CALN1: variants seen among roughly 807,000 people sequenced by gnomAD.
CALN1 encodes the protein calneuron 1, also known as calcium-binding protein 8.
In CALN1, 17 loss-of-function variants were observed where a neutral mutation model predicts 30.6. That is an observed-to-expected ratio of 0.56 (90% CI 0.38 to 0.83). The LOEUF (loss-of-function observed/expected upper bound fraction) is 0.83. Ranked by LOEUF, CALN1 falls within the 40% of genes least tolerant of loss-of-function variation. The pLI is 0.00. For synonymous variants in CALN1, 156 were observed against 131.4 expected (o/e 1.19, Z -1.28); for missense variants, 291 against 354.9 (o/e 0.82, Z 1.45).
chr7:72,075,765 T>A (rs1218300254), intron 4 of CALN1, among the ~76,000 whole-genome samples: 1 of 152,176 alleles, frequency 6.6e-6, no homozygotes, highest in East Asian at 1.9e-4. Context: ...GATAGCTGCA[T>A]CTGGCCCCCT....
intron 5 of CALN1, among the ~76,000 whole-genome samples, chr7:71,963,536 C>T (rs1268943018): frequency 3.9e-5 from 6 of 151,912 alleles, no homozygotes; most frequent in Admixed American, 1.3e-4. Context: ...AACTCCTGAC[C>T]TCAAATGATC....
At chr7:72,085,349 A>G (rs1261692410) in intron 4 of CALN1, among the ~76,000 whole-genome samples, 2 of 152,220 alleles carry the variant, frequency 1.3e-5, no homozygotes, top group Admixed American at 6.5e-5. Context: ...GGAGTACAGT[A>G]TAATAAGATA....
chr7:71,994,515 A>C (rs1196475003), intron 5 of CALN1, among the ~76,000 whole-genome samples: 1 of 150,348 alleles, frequency 6.7e-6, no homozygotes, highest in Admixed American at 6.6e-5. Context: ...TCATCTCAAA[A>C]AAAAAAAAAA....
intron 5 of CALN1, among the ~76,000 whole-genome samples, chr7:71,849,098 T>A (rs1308005509): frequency 6.6e-6 from 1 of 152,214 alleles, no homozygotes; most frequent in Non-Finnish European, 1.5e-5. Flanking sequence ...ATGGGATAAA[T>A]ATAATCCACT....
intron 5 of CALN1, among the ~76,000 whole-genome samples, chr7:71,869,758 C>T (rs1453407259): frequency 6.6e-6 from 1 of 152,266 alleles, no homozygotes; most frequent in Admixed American, 6.5e-5. Context: ...ACACTCTACT[C>T]TCTGGGGTGA....
At chr7:72,371,047 CAAA>C (rs35918896) in intron 2 of CALN1, among the ~76,000 whole-genome samples, 8 of 91,538 alleles carry the variant, frequency 8.7e-5, no homozygotes, top group South Asian at 4.1e-4. Flanking sequence ...AATTAAGTCT[CAAA>C]AAAAAAAAAA....
At chr7:72,156,966 C>T (rs763670289) in intron 3 of CALN1, among the ~76,000 whole-genome samples, 7 of 152,206 alleles carry the variant, frequency 4.6e-5, no homozygotes, top group Non-Finnish European at 1.0e-4. Flanking sequence ...CAAGACATAA[C>T]CTCTGCCTAC....
At position 72,049,668 on chromosome 7, in the gene CALN1, C is replaced by T. The variant is rs768280157; in HGVS notation, c.389-25899G>A. Reference sequence around the variant, plus strand: ...GATTACAGGCATGCGCCACCACGCCCGGCTATTTTTTGTGTTTTTAGTAGG... The same window carrying T: ...GATTACAGGCATGCGCCACCACGCCTGGCTATTTTTTGTGTTTTTAGTAGG... On this transcript the variant is annotated intron_variant, in intron 4 of 6. Transcript: ENST00000395275. Among the ~76,000 whole-genome samples the T allele has an allele frequency of 2.6e-4, 39 of 151,230 alleles. 1 individual carries two copies. The highest frequency in any genetic ancestry group is 6.6e-4 in the Admixed American group (10 of 15,180).
At position 72,061,144 on chromosome 7, in the gene CALN1, T is replaced by C. The variant is rs1009924826; in HGVS notation, c.389-37375A>G. 3.3e-5 allele frequency among the ~76,000 whole-genome samples: 5 copies of C among 152,146 alleles called. No homozygotes were observed. The East Asian group carries it at 9.6e-4, about 29-fold the overall frequency. ...CTACACCCAACCAACTCAATCTGCCTGCTCAAACAAAAATATCAACATTCT... is the reference window on the plus strand; with the variant it reads ...CTACACCCAACCAACTCAATCTGCCCGCTCAAACAAAAATATCAACATTCT... On this transcript the variant is annotated intron_variant, in intron 4 of 6. Transcript: ENST00000395275.
intron 3 of CALN1, among the ~76,000 whole-genome samples, chr7:72,168,350 C>A (rs1197010989): frequency 6.6e-6 from 1 of 151,936 alleles, no homozygotes; most frequent in Admixed American, 6.6e-5. Context: ...TATTTGTGAA[C>A]TAGACTGTGA....
chr7:72,223,933 A>G (rs1192114022), intron 3 of CALN1, among the ~76,000 whole-genome samples: 1 of 152,172 alleles, frequency 6.6e-6, no homozygotes, highest in Non-Finnish European at 1.5e-5. Context: ...TGATGTATAC[A>G]TGGAGCTCAA....
Position 71,822,528 on chromosome 7 carries a change from G to A in CALN1, c.502-12036C>T, listed in dbSNP as rs952054690. 4.6e-5 allele frequency among the ~76,000 whole-genome samples: 7 copies of A among 152,220 alleles called. No individual in the cohort carries two copies. In the East Asian group the frequency reaches 5.8e-4, roughly 13 times the overall value. On this transcript the variant is annotated intron_variant, in intron 5 of 6. Transcript: ENST00000395275. ...CTCCCAAAGTGCTGGGATTGCAGGC[G>A]TGAGTCACCGTGCCTGGCCCGCTTC...
At position 71,881,760 on chromosome 7, in the gene CALN1, A is replaced by G. The variant is rs368846584; in HGVS notation, c.502-71268T>C. On this transcript the variant is annotated intron_variant, in intron 5 of 6. Transcript: ENST00000395275. ...CCATACACTTAGTGGCTTACAACAC[A>G]AATTTATTCTTTTATAGCTTTGGAG... 5.9e-5 allele frequency among the ~76,000 whole-genome samples: 9 copies of G among 152,084 alleles called. No homozygotes were observed. In the East Asian group the frequency reaches 9.6e-4, roughly 16 times the overall value.
intron 6 of CALN1, among the ~76,000 whole-genome samples, chr7:71,789,918 A>G (rs916935311): frequency 2.6e-5 from 4 of 151,806 alleles, no homozygotes; most frequent in African/African-American, 9.7e-5. Context: ...TAACATAGAA[A>G]GACCCTGTCC....
intron 5 of CALN1, among the ~76,000 whole-genome samples, chr7:71,918,737 G>T (rs1312975282): frequency 6.6e-6 from 1 of 152,130 alleles, no homozygotes; most frequent in East Asian, 1.9e-4. Flanking sequence ...AGAGTCACTA[G>T]GGAAAGGTCA....
At chr7:72,433,013 C>T (rs1808024564) in intron 1 of CALN1, among the ~76,000 whole-genome samples, 1 of 152,184 alleles carries the variant, frequency 6.6e-6, no homozygotes, top group Admixed American at 6.5e-5. Flanking sequence ...GTTACTCTTT[C>T]TACACACCCT....
At chr7:72,063,100 T>C (rs1803777254) in intron 4 of CALN1, among the ~76,000 whole-genome samples, 1 of 152,162 alleles carries the variant, frequency 6.6e-6, no homozygotes, top group Non-Finnish European at 1.5e-5. Flanking sequence ...CATAAGGTTT[T>C]CTTTGGTGTC....
At chr7:72,297,942 G>A (rs1798979602) in intron 2 of CALN1, among the ~76,000 whole-genome samples, 1 of 152,170 alleles carries the variant, frequency 6.6e-6, no homozygotes, top group African/African-American at 2.4e-5. Flanking sequence ...TTCTCACACA[G>A]TTGACAAAGT....
At chr7:72,112,732 C>T (rs1807667705) in intron 3 of CALN1, among the ~76,000 whole-genome samples, 1 of 152,112 alleles carries the variant, frequency 6.6e-6, no homozygotes, top group Non-Finnish European at 1.5e-5. Context: ...ATGTCAGGGG[C>T]TGTGCCAGGA....
Sources: gnomAD v4.1 joint callset for allele counts (sites outside exome capture counted in the v4.1 genomes callset) on GRCh38, gnomAD v4.1.1 for gene constraint, MANE v1.5 for transcripts, NCBI Gene and HGNC (gene_info 2026-07-23, HGNC 2026-07-21) for gene names.